The following NUP155 variants were observed in gnomAD, a reference collection of about 807,000 sequenced individuals.
NUP155 encodes the protein nuclear pore complex protein Nup155.
Under a neutral mutation model 180.4 loss-of-function variants are expected in NUP155, and 71 were observed. That is an observed-to-expected ratio of 0.39 (90% CI 0.33 to 0.48). The LOEUF is 0.48. Among genes scored for constraint, NUP155 ranks in the 20% least tolerant of loss-of-function variants. The pLI, the probability that NUP155 is intolerant of heterozygous loss-of-function variation, is 0.91. For missense variants in NUP155, 1,553 were observed against 1,648.9 expected, an observed-to-expected ratio of 0.94 and a Z score of 1.01; for synonymous variants, 582 against 559.5, an observed-to-expected ratio of 1.04 and a Z score of -0.57.
intron 4 of NUP155, among the ~76,000 whole-genome samples, chr5:37,355,721 G>A (rs1017679763): frequency 2.0e-5 from 3 of 151,650 alleles, no homozygotes; most frequent in African/African-American, 7.3e-5. Context: ...TGGGACTACA[G>A]GCGACCACCA....
At chr5:37,345,100 C>T (rs1305774060) in intron 9 of NUP155, among the ~76,000 whole-genome samples, 2 of 151,434 alleles carry the variant, frequency 1.3e-5, no homozygotes, top group Non-Finnish European at 2.9e-5. Context: ...GGTGGATCAC[C>T]TGAGCCTAGG....
intron 12 of NUP155, among the ~76,000 whole-genome samples, 163 bp from the exon 13 acceptor site, chr5:37,333,796 T>C (rs898168712): frequency 1.3e-5 from 2 of 151,842 alleles, no homozygotes; most frequent in Non-Finnish European, 2.9e-5. Context: ...TTAAATCAGG[T>C]ATTTTCTGGG....
At chr5:37,357,878 A>G (rs903730626) in intron 4 of NUP155, among the ~76,000 whole-genome samples, 3 of 152,138 alleles carry the variant, frequency 2.0e-5, no homozygotes, top group African/African-American at 7.2e-5. Context: ...CCGTAATCCC[A>G]GCTATTCGGG....
intron 9 of NUP155, among the ~76,000 whole-genome samples, chr5:37,345,872 C>G (rs1421508698): frequency 6.8e-6 from 1 of 147,520 alleles, no homozygotes; most frequent in Non-Finnish European, 1.5e-5. Flanking sequence ...ACACTGCACT[C>G]CAGCCTGGGT....
At chr5:37,365,797 G>A (rs1231107418) in intron 1 of NUP155, among the ~76,000 whole-genome samples, 1 of 103,372 alleles carries the variant, frequency 9.7e-6, no homozygotes, top group East Asian at 2.8e-4. Context: ...ACACACAGAC[G>A]CCTACTATGT....
intron 29 of NUP155, among the ~76,000 whole-genome samples, chr5:37,302,493 C>T (rs1246824100): frequency 6.6e-6 from 1 of 152,226 alleles, no homozygotes; most frequent in African/African-American, 2.4e-5. Context: ...CTCGGCCTCC[C>T]AAAGTGCTGG....
At chr5:37,362,977 A>C (rs899024072) in intron 3 of NUP155, among the ~76,000 whole-genome samples, 2 of 152,162 alleles carry the variant, frequency 1.3e-5, no homozygotes, top group Admixed American at 1.3e-4. Context: ...CAGTGGCACT[A>C]TCTCAGCTCA....
At chr5:37,296,376 C>G (rs964153285) in intron 32 of NUP155, among the ~76,000 whole-genome samples, 1 of 151,914 alleles carries the variant, frequency 6.6e-6, no homozygotes, top group Non-Finnish European at 1.5e-5. Context: ...TGTGACCTTA[C>G]CCCCAACCCT....
In NUP155 at chr5:37,367,039, CTT is replaced by C. The variant is rs1249441222; in HGVS notation, c.158-2657_158-2656del. Among the ~76,000 whole-genome samples, 3 of 149,008 alleles carry C rather than the reference CTT, an allele frequency of 2.0e-5. No individual in the cohort carries two copies. In the East Asian group the frequency reaches 5.8e-4, roughly 29 times the overall value. On this transcript the variant is annotated intron_variant, in intron 1 of 34. Coordinates refer to ENST00000231498, the MANE Select transcript of NUP155 (RefSeq NM_153485.3). ...GTGAGCCACTGCACCCGGCCGAACT[CTT>C]TTTCTCTTTTTTTTTTTTTCCTGAG...
At chr5:37,337,760 T>C (rs1399303298) in intron 12 of NUP155, 58 bp downstream of exon 12, 34 of 1,026,468 alleles carry the variant, frequency 3.3e-5, no homozygotes, top group Non-Finnish European at 5.1e-5. Context: ...GTTTCTTCCA[T>C]ATTATCCTTC....
chr5:37,341,968 T>C (rs887650343), intron 10 of NUP155, among the ~76,000 whole-genome samples: 1 of 152,166 alleles, frequency 6.6e-6, no homozygotes. Context: ...AACCAAGAAA[T>C]CTTGTGTTCC....
At chr5:37,298,846 T>C (rs1485770944) in intron 32 of NUP155, 22 bp downstream of exon 32, 1 of 1,234,000 alleles carries the variant, frequency 8.1e-7, no homozygotes, top group Non-Finnish European at 1.2e-6. Flanking sequence ...AATACGTGAC[T>C]GCACCTAAGA....
intron 24 of NUP155, among the ~76,000 whole-genome samples, chr5:37,308,102 T>C (rs1474668491): frequency 6.6e-6 from 1 of 152,080 alleles, no homozygotes; most frequent in East Asian, 1.9e-4. Context: ...TACATTATGT[T>C]AGATTTGATT....
chr5:37,311,923 A>C (rs1389355242), intron 22 of NUP155, among the ~76,000 whole-genome samples: 1 of 152,218 alleles, frequency 6.6e-6, no homozygotes. Context: ...CGGGAAGCTG[A>C]GGCAGGAGAA....
chr5:37,349,262 A>AG lies in NUP155; in HGVS notation c.830-18_830-17insC. The AG allele has an allele frequency of 2.6e-6, 2 of 770,118 alleles. No homozygotes were observed. Among genetic ancestry groups the AG allele is most frequent in the Non-Finnish European group, 2.1e-6 (1 of 485,198 alleles). The allele number at this position is 770,118 out of a possible 1,614,324, so 47.7% of individuals were successfully genotyped here. A position where few individuals can be genotyped will look rare whatever the true frequency, so the allele number is the denominator to read the frequency against. ...GAATAGGATCTAAAAGTAAGACAAA[A>AG]AAAAAAAAGAGAAAAAAGTAAACCC... On this transcript the variant is annotated splice_polypyrimidine_tract_variant and intron_variant, in intron 7 of 34. Transcript: ENST00000231498.
intron 13 of NUP155, 114 bp downstream of exon 13, chr5:37,333,349 G>A (rs753596530): frequency 2.9e-5 from 28 of 974,196 alleles, no homozygotes; most frequent in South Asian, 4.0e-5. Context: ...GCGAGACTCC[G>A]TCTCAAAAAA....
chr5:37,337,059 G>A (rs1251466997), intron 12 of NUP155, among the ~76,000 whole-genome samples: 5 of 152,120 alleles, frequency 3.3e-5, no homozygotes, highest in African/African-American at 1.2e-4. Flanking sequence ...AGGACAGGCA[G>A]GAGTGAGCAG....
At chr5:37,335,666 T>C (rs1013930578) in intron 12 of NUP155, among the ~76,000 whole-genome samples, 5 of 146,484 alleles carry the variant, frequency 3.4e-5, no homozygotes, top group Admixed American at 1.4e-4. Context: ...AAAAATGTTA[T>C]TGGCTGGACG....
At chr5:37,315,760 T>C (rs943337083) in intron 21 of NUP155, among the ~76,000 whole-genome samples, 1 of 152,098 alleles carries the variant, frequency 6.6e-6, no homozygotes, top group African/African-American at 2.4e-5. Flanking sequence ...CTGGCCAACA[T>C]GGTGAAACCC....
Sources: gnomAD v4.1 joint callset for allele counts (sites outside exome capture counted in the v4.1 genomes callset) on GRCh38, gnomAD v4.1.1 for gene constraint, MANE v1.5 for transcripts, NCBI Gene and HGNC (gene_info 2026-07-23, HGNC 2026-07-21) for gene names.